The following GTF2A2 variants were observed in gnomAD, a reference collection of about 807,000 sequenced individuals.
The protein encoded by GTF2A2 is transcription initiation factor IIA subunit 2.
Under a neutral mutation model 14.3 loss-of-function variants are expected in GTF2A2, and 9 were observed. That is an observed-to-expected ratio of 0.63 (90% CI 0.38 to 1.10). The LOEUF is 1.10. Among genes scored for constraint, GTF2A2 ranks in the 50% least tolerant of loss-of-function variants. GTF2A2 has a pLI of 0.01. For missense variants in GTF2A2, 90 were observed against 124.6 expected (o/e 0.72, Z 1.32); for synonymous variants, 56 against 46.0 (o/e 1.22, Z -0.88).
intron 3 of GTF2A2, among the ~76,000 whole-genome samples, chr15:59,649,922 T>C (rs750298654): frequency 9.2e-5 from 14 of 152,312 alleles, no homozygotes; most frequent in Non-Finnish European, 1.8e-4. Context: ...TGTAACCATA[T>C]TTTAACCTTC....
chr15:59,641,349 GTGAT>G (rs1283982547), intron 4 of GTF2A2, among the ~76,000 whole-genome samples: 29 of 152,106 alleles, frequency 1.9e-4, no homozygotes, highest in Admixed American at 7.9e-4. Context: ...CATTTTTTCA[GTGAT>G]TGATTGATTA....
chr15:59,647,344 C>A (rs1267243320), intron 3 of GTF2A2, among the ~76,000 whole-genome samples: 1 of 152,116 alleles, frequency 6.6e-6, no homozygotes, highest in Non-Finnish European at 1.5e-5. Context: ...AGTGATCCTC[C>A]CACCTTGGCC....
intron 3 of GTF2A2, among the ~76,000 whole-genome samples, chr15:59,644,862 A>G (rs907759480): frequency 3.9e-5 from 6 of 152,312 alleles, no homozygotes; most frequent in South Asian, 2.1e-4. Context: ...GGTACTGGGA[A>G]GTCAGTGAAG....
In GTF2A2 at chr15:59,638,835, TTGCTACCTTAATA is replaced by T; in HGVS notation, c.*284_*296del. ...AAATGCATTATCTAATATCTTCATA[TTGCTACCTTAATA>T]GCTTCACCAGTTATTACTCAGAGTT... On this transcript the variant is annotated 3_prime_UTR_variant, in exon 5 of 5. Coordinates refer to ENST00000396060, the MANE Select transcript of GTF2A2 (RefSeq NM_004492.3). 1 of 293,856 alleles carries T rather than the reference TTGCTACCTTAATA, an allele frequency of 3.4e-6. No individual in the cohort carries two copies. The highest frequency in any genetic ancestry group is 8.4e-5 in the East Asian group (1 of 11,928). The allele number at this position is 293,856 out of a possible 1,614,324, so 18.2% of individuals were successfully genotyped here.
Position 59,638,210 on chromosome 15 carries a change from A to G in GTF2A2, c.*922T>C, listed in dbSNP as rs932313598. On this transcript the variant is annotated 3_prime_UTR_variant, in exon 5 of 5. Transcript: ENST00000396060. Reference sequence around the variant, plus strand: ...GGTGTGAGCCACCAGTACCTAGCCAAAGTTAGTTTTAATGTGAGAGTCAAG... The same window carrying G: ...GGTGTGAGCCACCAGTACCTAGCCAGAGTTAGTTTTAATGTGAGAGTCAAG... 1 of 152,128 alleles carries G rather than the reference A, an allele frequency of 6.6e-6. No individual in the cohort carries two copies. Among genetic ancestry groups the G allele is most frequent in the Non-Finnish European group, 1.5e-5 (1 of 68,022 alleles). 9.4% of individuals were successfully genotyped at this position (152,128 alleles called of 1,614,324 possible). A position where few individuals can be genotyped will look rare whatever the true frequency, so the allele number is the denominator to read the frequency against.
intron 3 of GTF2A2, among the ~76,000 whole-genome samples, chr15:59,645,385 G>A (rs1173839844): frequency 6.6e-6 from 1 of 152,118 alleles, no homozygotes; most frequent in African/African-American, 2.4e-5. Flanking sequence ...AGCAGAGACA[G>A]AACTACAGAG....
rs71425875 is a variant in GTF2A2 at position 59,648,401 on chromosome 15, C to CAAAAA, written c.177+2263_177+2267dup. Among the ~76,000 whole-genome samples the CAAAAA allele has an allele frequency of 1.2e-3, 104 of 90,208 alleles. 1 individual carries two copies. Among genetic ancestry groups the CAAAAA allele is most frequent in the Middle Eastern group, 7.9e-3 (1 of 126 alleles). 59.2% of individuals were successfully genotyped at this position (90,208 alleles called of 152,430 possible). A position where few individuals can be genotyped will look rare whatever the true frequency, so the allele number is the denominator to read the frequency against. On this transcript the variant is annotated intron_variant, in intron 3 of 4. Transcript: ENST00000396060. ...CCAGCCTGGGTAACAGACTTCGTCT[C>CAAAAA]AAAAAAAAAAAAAAAAAAGAATAAA...
chr15:59,639,361 C>T (rs1276882296), intron 4 of GTF2A2, among the ~76,000 whole-genome samples: 7 of 152,040 alleles, frequency 4.6e-5, no homozygotes, highest in African/African-American at 1.2e-4. Flanking sequence ...TACAAAGATG[C>T]TTAGCTCCTC....
chr15:59,642,046 C>A lies in GTF2A2; in HGVS notation c.304+90G>T, dbSNP rs148247017. Reference sequence around the variant, plus strand: ...GAATTGATCATAGGGCCATTTTACCCGTTAGGCTTTTCATATGGATGCAGA... The same window carrying A: ...GAATTGATCATAGGGCCATTTTACCAGTTAGGCTTTTCATATGGATGCAGA... On this transcript the variant is annotated intron_variant, in intron 4 of 4. Transcript: ENST00000396060. 11 of 1,160,330 alleles carry A rather than the reference C, an allele frequency of 9.5e-6. No homozygotes were observed. In the South Asian group the frequency reaches 1.6e-4, roughly 17 times the overall value. The allele number at this position is 1,160,330 out of a possible 1,614,324, so 71.9% of individuals were successfully genotyped here.
intron 1 of GTF2A2, among the ~76,000 whole-genome samples, chr15:59,655,734 G>T (rs1891923718): frequency 1.3e-5 from 2 of 152,106 alleles, no homozygotes; most frequent in South Asian, 4.1e-4. Flanking sequence ...GAATCTAGCT[G>T]CCTACTCAAC....
At chr15:59,653,278 T>C (rs1891848004) in intron 1 of GTF2A2, among the ~76,000 whole-genome samples, 1 of 152,188 alleles carries the variant, frequency 6.6e-6, no homozygotes, top group Admixed American at 6.5e-5. Flanking sequence ...GAGCTTCCAC[T>C]ACACGTCAGG....
At chr15:59,643,397 G>T (rs575271023) in intron 3 of GTF2A2, among the ~76,000 whole-genome samples, 47 of 151,740 alleles carry the variant, frequency 3.1e-4, no homozygotes, top group African/African-American at 1.1e-3. Flanking sequence ...TATTTAAAAA[G>T]AAATAGAGAC....
At chr15:59,650,522 A>G (rs889007243) in intron 3 of GTF2A2, 147 bp downstream of exon 3, 6 of 537,432 alleles carry the variant, frequency 1.1e-5, no homozygotes, top group African/African-American at 7.6e-5. Flanking sequence ...ATTGAAAAGT[A>G]TAATTTAGTT....
In GTF2A2 at chr15:59,639,078, C is replaced by T; in HGVS notation, c.*54G>A. 2 of 1,023,482 alleles carry T rather than the reference C, an allele frequency of 2.0e-6. No homozygotes were observed. Among genetic ancestry groups the T allele is most frequent in the African/African-American group, 3.2e-5 (2 of 63,124 alleles). The allele number at this position is 1,023,482 out of a possible 1,614,324, so 63.4% of individuals were successfully genotyped here. On this transcript the variant is annotated 3_prime_UTR_variant, in exon 5 of 5. Coordinates refer to ENST00000396060, the MANE Select transcript of GTF2A2 (RefSeq NM_004492.3). ...AATAAAAAGTCTCTTCTATGCTTCT[C>T]TTCAAAAGCAATGAATAACAGAAGA...
chr15:59,650,672 G>A lies in GTF2A2; in HGVS notation c.174C>T (p.Phe58=), dbSNP rs1364303719. 6.4e-7 allele frequency: 1 copy of A among 1,561,150 alleles called. No individual in the cohort carries two copies. The highest frequency in any genetic ancestry group is 8.8e-7 in the Non-Finnish European group (1 of 1,132,308). Reference sequence around the variant, plus strand: ...AGATTCAGGAAAATATCCTTACCCTGAAATTGACTCTGTTCCTGACCCTCT... The same window carrying A: ...AGATTCAGGAAAATATCCTTACCCTAAAATTGACTCTGTTCCTGACCCTCT... ...LAQRVRNRVN[F]RGSLNTYRFC... The change falls in exon 3 of 5, where the codon TTC becomes TTT. Residue 58 remains phenylalanine (F), a synonymous_variant. Transcript: ENST00000396060.
intron 4 of GTF2A2, among the ~76,000 whole-genome samples, chr15:59,639,420 A>C (rs1891311717): frequency 6.6e-6 from 1 of 151,858 alleles, no homozygotes; most frequent in African/African-American, 2.4e-5. Context: ...GGTTCACATA[A>C]TTGTTACATA....
intron 3 of GTF2A2, among the ~76,000 whole-genome samples, chr15:59,647,113 A>C (rs1274835804): frequency 6.6e-6 from 1 of 152,050 alleles, no homozygotes; most frequent in Non-Finnish European, 1.5e-5. Flanking sequence ...GTTTTTTTGA[A>C]GCAGGGTCTA....
chr15:59,648,803 G>A (rs1030616644), intron 3 of GTF2A2, among the ~76,000 whole-genome samples: 2 of 152,058 alleles, frequency 1.3e-5, no homozygotes, highest in East Asian at 1.9e-4. Context: ...GCGTGGTGGC[G>A]GGCACCTGTA....
At position 59,639,898 on chromosome 15, in the gene GTF2A2, G is replaced by T. The variant is rs180844154; in HGVS notation, c.305-741C>A. 4.3e-3 allele frequency among the ~76,000 whole-genome samples: 654 copies of T among 152,132 alleles called. 3 individuals carry two copies. The highest frequency in any genetic ancestry group is 0.015 in the African/African-American group (608 of 41,478). On this transcript the variant is annotated intron_variant, in intron 4 of 4. Transcript: ENST00000396060. The stretch of plus-strand genomic sequence containing the variant: ...CCGCAGCAGCTGGGATTACAGGCGG[G>T]TACCACCATGCCTGGCTAATTTTTG...
Sources: gnomAD v4.1 joint callset for allele counts (sites outside exome capture counted in the v4.1 genomes callset) on GRCh38, gnomAD v4.1.1 for gene constraint, MANE v1.5 for transcripts, NCBI Gene and HGNC (gene_info 2026-07-23, HGNC 2026-07-21) for gene names.